Variants in VAV3 observed in about 807,000 individuals in gnomAD.
VAV3 encodes guanine nucleotide exchange factor VAV3.
In VAV3, 94 loss-of-function variants were observed where a neutral mutation model predicts 131.2. That is an observed-to-expected ratio of 0.72 (90% confidence interval 0.61 to 0.85). The LOEUF (loss-of-function observed/expected upper bound fraction) is 0.85. Ranked by LOEUF, VAV3 falls within the 40% of genes least tolerant of loss-of-function variation. The pLI, the probability that VAV3 is intolerant of heterozygous loss-of-function variation, is 0.00. For missense variants in VAV3, 939 were observed against 1,002.7 expected (o/e 0.94, Z 0.86); for synonymous variants, 349 against 342.0 (o/e 1.02, Z -0.22).
chr1:107,862,168 AC>A (rs1185367777), intron 2 of VAV3, among the ~76,000 whole-genome samples: 3 of 151,526 alleles, frequency 2.0e-5, no homozygotes, highest in Non-Finnish European at 2.9e-5. Context: ...AAAACAAGTG[AC>A]TCAGAAACTA....
intron 1 of VAV3, among the ~76,000 whole-genome samples, chr1:107,934,656 C>T (rs1367685773): frequency 6.6e-6 from 1 of 152,302 alleles, no homozygotes; most frequent in East Asian, 1.9e-4. Flanking sequence ...CCTTCTTACA[C>T]ATCAAAAGTC....
At chr1:107,592,200 G>A (rs1199916282) in intron 25 of VAV3, among the ~76,000 whole-genome samples, 2 of 152,094 alleles carry the variant, frequency 1.3e-5, no homozygotes, top group East Asian at 3.9e-4. Context: ...TAATGACACT[G>A]AAGGTTTTAG....
chr1:107,583,309 A>C (rs910886605), intron 25 of VAV3, among the ~76,000 whole-genome samples: 3 of 152,238 alleles, frequency 2.0e-5, no homozygotes, highest in Non-Finnish European at 4.4e-5. Flanking sequence ...ATCATACTGA[A>C]TGCGAAAAAA....
intron 1 of VAV3, among the ~76,000 whole-genome samples, chr1:107,912,240 A>C (rs1035673399): frequency 6.6e-6 from 1 of 152,210 alleles, no homozygotes; most frequent in African/African-American, 2.4e-5. Flanking sequence ...TTTTCAAAAG[A>C]GAATCTATCA....
At chr1:107,723,175 G>A (rs1262360517) in intron 15 of VAV3, among the ~76,000 whole-genome samples, 1 of 152,084 alleles carries the variant, frequency 6.6e-6, no homozygotes, top group Non-Finnish European at 1.5e-5. Flanking sequence ...CTTAAAAACT[G>A]CTGTAGAACA....
At chr1:107,791,862 T>C (rs181890162) in intron 2 of VAV3, among the ~76,000 whole-genome samples, 90 of 152,316 alleles carry the variant, frequency 5.9e-4, no homozygotes, top group African/African-American at 1.3e-3. Context: ...ACAAAACCCA[T>C]GATTTCTGTA....
intron 2 of VAV3, among the ~76,000 whole-genome samples, chr1:107,817,477 T>C (rs1447461030): frequency 6.6e-6 from 1 of 152,048 alleles, no homozygotes; most frequent in East Asian, 1.9e-4. Context: ...TTCCAGGCTA[T>C]GTTAAGGAGA....
intron 1 of VAV3, among the ~76,000 whole-genome samples, chr1:107,905,829 A>G (rs1020802755): frequency 3.9e-5 from 6 of 152,220 alleles, no homozygotes; most frequent in Non-Finnish European, 8.8e-5. Context: ...AAAGTATTCT[A>G]TTCTAGTTAG....
intron 19 of VAV3, among the ~76,000 whole-genome samples, chr1:107,657,683 C>T (rs1343954344): frequency 6.6e-6 from 1 of 152,098 alleles, no homozygotes; most frequent in African/African-American, 2.4e-5. Flanking sequence ...GAGAGCAAAA[C>T]ACAGGATTCC....
At chr1:107,840,406 G>A (rs1269214055) in intron 2 of VAV3, among the ~76,000 whole-genome samples, 2 of 152,144 alleles carry the variant, frequency 1.3e-5, no homozygotes, top group Non-Finnish European at 2.9e-5. Flanking sequence ...AAAGGAATAG[G>A]TTATCAAAGG....
At chr1:107,656,230 G>A (rs1405097292) in intron 19 of VAV3, among the ~76,000 whole-genome samples, 1 of 152,100 alleles carries the variant, frequency 6.6e-6, no homozygotes, top group African/African-American at 2.4e-5. Context: ...GGGTGGATAA[G>A]AAAATGTGGC....
intron 2 of VAV3, among the ~76,000 whole-genome samples, chr1:107,866,823 A>C (rs191503): frequency 3.9e-5 from 1 of 25,758 alleles, no homozygotes; most frequent in South Asian, 1.0e-3. Context: ...ACTCCATCTC[A>C]AAAAAAAAAA....
At chr1:107,849,007 A>G (rs1669104296) in intron 2 of VAV3, among the ~76,000 whole-genome samples, 1 of 152,136 alleles carries the variant, frequency 6.6e-6, no homozygotes, top group Non-Finnish European at 1.5e-5. Context: ...TAGGAATCCA[A>G]CTTACAAGGG....
In VAV3 at chr1:107,887,225, A is replaced by G. The variant is rs567243881; in HGVS notation, c.205-12208T>C. On this transcript the variant is annotated intron_variant, in intron 1 of 26. Coordinates refer to ENST00000370056, the MANE Select transcript of VAV3 (RefSeq NM_006113.5). ...CCATGAGGACTGCGCTCTTACCCGCATGGCAGACACACTTCAGTCAAACTC... is the reference window on the plus strand; with the variant it reads ...CCATGAGGACTGCGCTCTTACCCGCGTGGCAGACACACTTCAGTCAAACTC... Among the ~76,000 whole-genome samples, 4 of 152,366 alleles carry G rather than the reference A, an allele frequency of 2.6e-5. 1 individual carries two copies. In the South Asian group the frequency reaches 8.3e-4, roughly 32 times the overall value.
chr1:107,718,615 G>A (rs1661275679), intron 15 of VAV3, among the ~76,000 whole-genome samples: 1 of 152,178 alleles, frequency 6.6e-6, no homozygotes, highest in Non-Finnish European at 1.5e-5. Flanking sequence ...TCAATATCAT[G>A]AAAATGGCCA....
At chr1:107,772,083 C>T (rs1665082362) in intron 5 of VAV3, among the ~76,000 whole-genome samples, 1 of 152,140 alleles carries the variant, frequency 6.6e-6, no homozygotes, top group African/African-American at 2.4e-5. Context: ...CTTTAATATA[C>T]AAGAAAAAGT....
intron 25 of VAV3, among the ~76,000 whole-genome samples, chr1:107,584,132 A>G (rs1486137057): frequency 6.6e-6 from 1 of 152,214 alleles, no homozygotes; most frequent in Non-Finnish European, 1.5e-5. Flanking sequence ...TCTTTGACAA[A>G]CCTGACAAAA....
chr1:107,600,287 T>C (rs1651741951), intron 24 of VAV3, among the ~76,000 whole-genome samples: 1 of 152,254 alleles, frequency 6.6e-6, no homozygotes, highest in African/African-American at 2.4e-5. Context: ...GCAATTTTTA[T>C]AGTTATTTAC....
chr1:107,932,163 G>C (rs1276870186), intron 1 of VAV3, among the ~76,000 whole-genome samples: 1 of 152,114 alleles, frequency 6.6e-6, no homozygotes, highest in African/African-American at 2.4e-5. Context: ...TTTATGTGCT[G>C]GTAATAATGT....
Sources: gnomAD v4.1 joint callset for allele counts (sites outside exome capture counted in the v4.1 genomes callset) on GRCh38, gnomAD v4.1.1 for gene constraint, MANE v1.5 for transcripts, NCBI Gene and HGNC (gene_info 2026-07-23, HGNC 2026-07-21) for gene names.